The following ZNF559 variants were observed in gnomAD, a reference collection of about 807,000 sequenced individuals.
ZNF559 encodes the protein zinc finger protein 559, also known as putative protein product of Nbla00121.
A neutral mutation model predicts 14.2 loss-of-function variants in ZNF559; 17 were observed. The observed-to-expected ratio is 1.20, with a 90% CI of 0.82 to 1.80. The LOEUF (loss-of-function observed/expected upper bound fraction) is 1.80, where lower values mean the gene tolerates loss of function less well. ZNF559 is among the 40% of genes most tolerant of loss of function. The pLI is 0.00. For synonymous variants in ZNF559, 244 were observed against 212.4 expected (o/e 1.15, Z -1.29); for missense variants, 740 against 629.7 (o/e 1.18, Z -1.88).
chr19:9,337,974 C>G lies in ZNF559; in HGVS notation c.-57+116C>G, dbSNP rs1283934117. 23 of 1,536,130 alleles carry G rather than the reference C, an allele frequency of 1.5e-5. No individual in the cohort carries two copies. In the East Asian group the frequency reaches 5.6e-4, roughly 38 times the overall value. On this transcript the variant is annotated intron_variant, in intron 3 of 6. Transcript: ENST00000603380. ...GAACAAGATATTCAGGCACATTTCA[C>G]TGTTAGACTCACAGGATGCTGGCCA...
rs931180688 is a variant in ZNF559, at chr19:9,332,104, G to A, written c.-119-5692G>A. On this transcript the variant is annotated intron_variant, in intron 2 of 6. Coordinates refer to ENST00000603380, the MANE Select transcript of ZNF559 (RefSeq NM_032497.3). The stretch of plus-strand genomic sequence containing the variant: ...CTTAAAGTATAATGTTAGCTTTGGC[G>A]TTTTTGTAGATGCCCTTTATTAGGC... 9.2e-5 allele frequency among the ~76,000 whole-genome samples: 14 copies of A among 152,058 alleles called. 1 individual carries two copies. The highest frequency in any genetic ancestry group is 1.5e-5 in the Non-Finnish European group (1 of 68,016).
At position 9,341,193 on chromosome 19, in the gene ZNF559, C is replaced by G. The variant is rs1181282724; in HGVS notation, c.243+9C>G. 3 of 1,612,218 alleles carry G rather than the reference C, an allele frequency of 1.9e-6. No individual in the cohort carries two copies. The highest frequency in any genetic ancestry group is 2.5e-6 in the Non-Finnish European group (3 of 1,178,512). ...CCAGTGTGGTGGAAATGGTAAGATT[C>G]AGAAGGTATAATTTATTGTCTTCCA... On this transcript the variant is annotated intron_variant, in intron 6 of 6. Coordinates refer to ENST00000603380, the MANE Select transcript of ZNF559 (RefSeq NM_032497.3).
chr19:9,341,697 G>A lies in ZNF559; in HGVS notation c.246G>A (p.Glu82=), dbSNP rs761848023. The A allele has an allele frequency of 1.9e-6, 3 of 1,598,152 alleles. No homozygotes were observed. The highest frequency in any genetic ancestry group is 1.7e-6 in the Non-Finnish European group (2 of 1,175,232). ...CCATCATTAATTTTCACCAACAGGA[G>A]AGAAACCATTTTGGAGAGGAACTGT... ...QGKTSSVVEM[E]RNHFGEELFD... Residue 82 remains glutamate (E), a splice_region_variant and synonymous_variant, in exon 7 of 7, where the codon GAG becomes GAA. Coordinates refer to ENST00000603380, the MANE Select transcript of ZNF559 (RefSeq NM_032497.3).
At chr19:9,324,387 T>A in intron 1 of ZNF559, 159 bp downstream of exon 1, 4 of 1,483,396 alleles carry the variant, frequency 2.7e-6, no homozygotes, top group Non-Finnish European at 3.6e-6. Context: ...CGGCCCCTCC[T>A]CTGAGAGCCA....
rs1475519112 is a variant in ZNF559 at position 9,342,453 on chromosome 19, C to T, written c.1002C>T (p.Phe334=). The T allele has an allele frequency of 5.6e-6, 9 of 1,613,864 alleles. No individual in the cohort carries two copies. In the Admixed American group the frequency reaches 1.3e-4, roughly 24 times the overall value. Residue 334 remains phenylalanine (F), a synonymous_variant, in exon 7 of 7, where the codon TTC becomes TTT. Transcript: ENST00000603380. Reference sequence around the variant, plus strand: ...AGTGCAACAAATGTGGGAAAGCCTTCACTGATTCATCAGGTCTTATAAAAC... The same window carrying T: ...AGTGCAACAAATGTGGGAAAGCCTTTACTGATTCATCAGGTCTTATAAAAC... ...PYECNKCGKA[F]TDSSGLIKHR...
intron 3 of ZNF559, 41 bp downstream of exon 3, chr19:9,337,899 T>C: frequency 6.5e-7 from 1 of 1,533,456 alleles, no homozygotes; most frequent in Admixed American, 2.0e-5. Context: ...TCAAGAGGAA[T>C]TGAGATTGAC....
At chr19:9,324,658 A>T in intron 1 of ZNF559, 37 bp from the exon 2 acceptor site, 3 of 1,056,482 alleles carry the variant, frequency 2.8e-6, no homozygotes, top group Non-Finnish European at 2.6e-6. Context: ...AAAAAAAAAA[A>T]GTCTCCACAT....
intron 3 of ZNF559, 125 bp downstream of exon 3, chr19:9,337,983 T>C: frequency 6.5e-7 from 1 of 1,536,118 alleles, no homozygotes; most frequent in Non-Finnish European, 8.7e-7. Flanking sequence ...ACTGTTAGAC[T>C]CACAGGATGC....
Position 9,342,803 on chromosome 19 carries a change from A to C in ZNF559, c.1352A>C (p.His451Pro). The C allele has an allele frequency of 6.2e-7, 1 of 1,614,060 alleles. No individual in the cohort carries two copies. The highest frequency in any genetic ancestry group is 1.3e-5 in the African/African-American group (1 of 75,008). The change falls in exon 7 of 7, where the codon CAC (histidine) becomes CCC (proline). Residue 451 changes from histidine to proline, a missense_variant. Coordinates refer to ENST00000603380, the MANE Select transcript of ZNF559 (RefSeq NM_032497.3). ...ECGKAFRYSS[H>P]LSQHKRIHTG... ...GGGAAAGCCTTTAGATACTCCTCGC[A>C]CCTTAGTCAACATAAAAGAATACAT...
rs1442594923 is a variant in ZNF559, at chr19:9,344,789, A to G, written c.*1721A>G. ...TCTTTGGTGAAGTGTACATTTAATGATCTTTTTTCACTGTTGCTGAGAATC... is the reference window on the plus strand; with the variant it reads ...TCTTTGGTGAAGTGTACATTTAATGGTCTTTTTTCACTGTTGCTGAGAATC... On this transcript the variant is annotated 3_prime_UTR_variant, in exon 7 of 7. Transcript: ENST00000603380. The G allele has an allele frequency of 2.0e-5, 3 of 152,190 alleles. No individual in the cohort carries two copies. The highest frequency in any genetic ancestry group is 4.1e-4 in the South Asian group (2 of 4,826). The allele number at this position is 152,190 out of a possible 1,614,324, so 9.4% of individuals were successfully genotyped here.
chr19:9,343,169 A>T lies in ZNF559; in HGVS notation c.*101A>T. On this transcript the variant is annotated 3_prime_UTR_variant, in exon 7 of 7. Transcript: ENST00000603380. ...GTGGCAATGTACACAGTCATAAGGAATGTGGGAAGCCTTCCTTGGTGTCTC... is the reference window on the plus strand; with the variant it reads ...GTGGCAATGTACACAGTCATAAGGATTGTGGGAAGCCTTCCTTGGTGTCTC... 6.6e-7 allele frequency: 1 copy of T among 1,504,776 alleles called. No homozygotes were observed. The highest frequency in any genetic ancestry group is 8.8e-7 in the Non-Finnish European group (1 of 1,135,464). 93.2% of individuals were successfully genotyped at this position (1,504,776 alleles called of 1,614,324 possible). A position where few individuals can be genotyped will look rare whatever the true frequency, so the allele number is the denominator to read the frequency against.
chr19:9,338,651 A>G lies in ZNF559; in HGVS notation c.33+69A>G, dbSNP rs200544292. The G allele has an allele frequency of 5.5e-5, 68 of 1,246,570 alleles. No homozygotes were observed. In the South Asian group the frequency reaches 5.5e-4, roughly 10 times the overall value. 77.2% of individuals were successfully genotyped at this position (1,246,570 alleles called of 1,614,324 possible). On this transcript the variant is annotated intron_variant, in intron 4 of 6. Coordinates refer to ENST00000603380, the MANE Select transcript of ZNF559 (RefSeq NM_032497.3). ...CTACCATGTAGATGTGTTTTCTCCT[A>G]GTGGAACAGGGCCCCTGCAAGCAAA...
chr19:9,334,065 AC>A (rs1755891826), intron 2 of ZNF559, among the ~76,000 whole-genome samples: 1 of 152,226 alleles, frequency 6.6e-6, no homozygotes, highest in African/African-American at 2.4e-5. Context: ...GTTTTGAAAA[AC>A]AGTTTGGCAT....
intron 5 of ZNF559, among the ~76,000 whole-genome samples, chr19:9,340,567 T>G (rs1236485370): frequency 1.3e-5 from 1 of 75,778 alleles, no homozygotes; most frequent in Non-Finnish European, 2.4e-5. Flanking sequence ...TCTCTGTCTC[T>G]AAAAAAAAAA....
intron 2 of ZNF559, among the ~76,000 whole-genome samples, chr19:9,328,762 G>T (rs1433673799): frequency 2.6e-5 from 4 of 152,182 alleles, no homozygotes; most frequent in Non-Finnish European, 5.9e-5. Context: ...ACAACACGGT[G>T]TCGCATTTCC....
Position 9,324,221 on chromosome 19 carries a change from C to T in ZNF559, c.-213C>T, listed in dbSNP as rs1022350268. The T allele has an allele frequency of 1.0e-5, 16 of 1,535,972 alleles. No homozygotes were observed. The highest frequency in any genetic ancestry group is 1.7e-4 in the Middle Eastern group (1 of 6,012). On this transcript the variant is annotated 5_prime_UTR_variant, in exon 1 of 7. Transcript: ENST00000603380. ...CATCTTAACAGCGCGTTCCCGTTGG[C>T]GTCTGAGGTAAGTTTTTGTTTCTGG...
chr19:9,342,958 A>G lies in ZNF559; in HGVS notation c.1507A>G (p.Thr503Ala). ...ATGTCAGGAATGTGGGAAAGCCTTT[A>G]CTCGGTCCACATATCTTATTCGACA... ...FECQECGKAF[T>A]RSTYLIRHLR... is the part of the protein sequence containing the mutation. The change falls in exon 7 of 7, where the codon ACT becomes GCT. Residue 503 changes from threonine to alanine, a missense_variant. Coordinates refer to ENST00000603380, the MANE Select transcript of ZNF559 (RefSeq NM_032497.3). 1 of 1,614,176 alleles carries G rather than the reference A, an allele frequency of 6.2e-7. No homozygotes were observed. The highest frequency in any genetic ancestry group is 8.5e-7 in the Non-Finnish European group (1 of 1,180,028).
In ZNF559 at chr19:9,340,660, G is replaced by A. The variant is rs568337521; in HGVS notation, c.161-442G>A. ...CAGCTCACTGCAACCTCTGCCTTCC[G>A]GGTTCAAGTGATTCCCCTGCCTCAG... is the stretch of plus-strand genomic sequence containing the variant. On this transcript the variant is annotated intron_variant, in intron 5 of 6. Transcript: ENST00000603380. Among the ~76,000 whole-genome samples, 15 of 150,228 alleles carry A rather than the reference G, an allele frequency of 1.0e-4. No individual in the cohort carries two copies. The South Asian group carries it at 2.5e-3, about 25-fold the overall frequency.
chr19:9,324,174 G>A (rs1210936070), upstream of ZNF559: 3 of 1,535,952 alleles, frequency 2.0e-6, no homozygotes, highest in African/African-American at 2.7e-5. Flanking sequence ...TGTCTGCGTG[G>A]GCGCATGCGC....
Sources: allele counts gnomAD v4.1 joint callset (sites outside exome capture counted in the v4.1 genomes callset), GRCh38; gene constraint gnomAD v4.1.1; transcripts MANE v1.5; gene names NCBI Gene and HGNC (gene_info 2026-07-23, HGNC 2026-07-21).